Variants in ABCC1 observed in about 807,000 individuals in gnomAD.
ABCC1 encodes the protein ATP binding cassette subfamily C member 1 (ABCC1 blood group).
In ABCC1, 83 loss-of-function variants were observed where a neutral mutation model predicts 172.9. The observed-to-expected ratio is 0.48, with a 90% confidence interval of 0.40 to 0.58. ABCC1 has a LOEUF of 0.58. Among genes scored for constraint, ABCC1 ranks in the 20% least tolerant of loss-of-function variants. The probability of loss-of-function intolerance (pLI) is 0.00; values close to 1 mark genes in which losing one functional copy is unlikely to be tolerated. For synonymous variants in ABCC1, 937 were observed against 825.2 expected (o/e 1.14, Z -2.32); for missense variants, 1,817 against 2,002.7 (o/e 0.91, Z 1.77).
chr16:16,026,545 A>G (rs2048381821), intron 5 of ABCC1, among the ~76,000 whole-genome samples: 1 of 137,180 alleles, frequency 7.3e-6, no homozygotes, highest in Non-Finnish European at 1.5e-5. Context: ...AGATAATCTG[A>G]AAATCTGTGT....
chr16:16,105,248 G>T (rs1037825021), intron 20 of ABCC1, among the ~76,000 whole-genome samples: 2 of 152,304 alleles, frequency 1.3e-5, no homozygotes, highest in South Asian at 4.1e-4. Flanking sequence ...AGTGTAGAAG[G>T]ATGTAAGATT....
intron 1 of ABCC1, among the ~76,000 whole-genome samples, chr16:16,005,818 A>G (rs2047508911): frequency 1.3e-5 from 2 of 152,136 alleles, no homozygotes; most frequent in East Asian, 3.9e-4. Context: ...AAAATTAGCC[A>G]AGCGGGGTGA....
chr16:15,982,840 G>GC (rs2046657286), intron 1 of ABCC1, among the ~76,000 whole-genome samples: 1 of 118,038 alleles, frequency 8.5e-6, no homozygotes, highest in Admixed American at 9.1e-5. Context: ...TCCATTCTTA[G>GC]CCTGTGTGCT....
chr16:16,106,700 A>G lies in ABCC1; in HGVS notation c.2736-38A>G, dbSNP rs760033729. 1.4e-5 allele frequency: 22 copies of G among 1,613,326 alleles called. No individual in the cohort carries two copies. The East Asian group carries it at 4.7e-4, about 34-fold the overall frequency. On this transcript the variant is annotated intron_variant, in intron 20 of 30. Transcript: ENST00000399410. ...GGAGCCCTCCGACCCTGCCCAAGGC[A>G]TCTGTACGGTTGACACCCTTGTGCT...
intron 7 of ABCC1, among the ~76,000 whole-genome samples, chr16:16,042,524 GA>G (rs1054791336): frequency 3.3e-5 from 5 of 152,022 alleles, no homozygotes; most frequent in African/African-American, 1.2e-4. Context: ...CTAACATGGT[GA>G]AACCCTGTCT....
intron 21 of ABCC1, among the ~76,000 whole-genome samples, chr16:16,108,062 C>G (rs1216333446): frequency 6.6e-6 from 1 of 152,002 alleles, no homozygotes; most frequent in Admixed American, 6.6e-5. Flanking sequence ...GGTGTCCTCT[C>G]TCGCCTTACC....
chr16:16,044,602 T>C lies in ABCC1; in HGVS notation c.962T>C (p.Phe321Ser). 6.2e-7 allele frequency: 1 copy of C among 1,614,150 alleles called. No individual in the cohort carries two copies. The highest frequency in any genetic ancestry group is 8.5e-7 in the Non-Finnish European group (1 of 1,180,020). ...CTGTTTAAGGTGTTATACAAGACCT[T>C]TGGGCCCTACTTCCTCATGAGCTTC... The part of the protein sequence containing the change: ...PSLFKVLYKT[F>S]GPYFLMSFFF... The change falls in exon 8 of 31, where the codon TTT becomes TCT. Residue 321 changes from phenylalanine to serine, a missense_variant. This residue lies in a region of ABCC1 where 7 missense variants were observed against 18.2 expected (regional missense o/e 0.39). Coordinates refer to ENST00000399410, the MANE Select transcript of ABCC1 (RefSeq NM_004996.4).
intron 23 of ABCC1, 141 bp downstream of exon 23, chr16:16,115,217 A>G (rs933807468): frequency 1.0e-6 from 1 of 952,446 alleles, no homozygotes; most frequent in South Asian, 2.5e-5. Context: ...AGTTTCGAAT[A>G]CCTAAATTGT....
At chr16:16,022,742 A>G (rs1169678295) in intron 5 of ABCC1, among the ~76,000 whole-genome samples, 2 of 152,160 alleles carry the variant, frequency 1.3e-5, no homozygotes, top group Non-Finnish European at 2.9e-5. Context: ...TTTTCCCCCC[A>G]GCATTTTACT....
intron 16 of ABCC1, among the ~76,000 whole-genome samples, chr16:16,081,134 C>T (rs1343937588): frequency 1.3e-5 from 2 of 152,306 alleles, no homozygotes; most frequent in East Asian, 1.9e-4. Flanking sequence ...TCCCAAAGTG[C>T]TGGGATTACA....
chr16:16,085,807 C>G (rs930359869), intron 17 of ABCC1, among the ~76,000 whole-genome samples: 2 of 152,122 alleles, frequency 1.3e-5, no homozygotes, highest in African/African-American at 4.8e-5. Flanking sequence ...CACGTGGCTG[C>G]CAGGACCCCA....
At chr16:16,056,064 G>C (rs897763548) in intron 11 of ABCC1, 28 bp from the exon 12 acceptor site, 2 of 1,610,972 alleles carry the variant, frequency 1.2e-6, no homozygotes, top group Non-Finnish European at 1.7e-6. Context: ...GGTCGCCCCA[G>C]ATGTGTTGAC....
chr16:16,047,577 C>A (rs908172273), intron 9 of ABCC1, among the ~76,000 whole-genome samples: 1 of 152,158 alleles, frequency 6.6e-6, no homozygotes, highest in African/African-American at 2.4e-5. Flanking sequence ...GTTGTCCCAA[C>A]TGGGGGCGAG....
chr16:16,101,178 T>C (rs893387871), intron 19 of ABCC1, among the ~76,000 whole-genome samples: 4 of 152,026 alleles, frequency 2.6e-5, no homozygotes, highest in Non-Finnish European at 5.9e-5. Flanking sequence ...ATTACAGGCA[T>C]GCACCACCAC....
chr16:16,064,931 A>C (rs2050057880), intron 12 of ABCC1, among the ~76,000 whole-genome samples: 1 of 152,254 alleles, frequency 6.6e-6, no homozygotes, highest in Admixed American at 6.5e-5. Context: ...TAGAAAGAAA[A>C]GAGTCAGATC....
rs371886235 is a variant in ABCC1 at position 16,048,213 on chromosome 16, C to T, written c.1290C>T (p.Asp430=). The stretch of plus-strand genomic sequence containing the variant: ...AGATTGTCAACCTCATGTCTGTGGA[C>T]GCTCAGAGGTTCATGGACTTGGCCA... ...VGEIVNLMSV[D]AQRFMDLATY... The change falls in exon 10 of 31, where the codon GAC becomes GAT. Residue 430 remains aspartate, a synonymous_variant. Coordinates refer to ENST00000399410, the MANE Select transcript of ABCC1 (RefSeq NM_004996.4). The T allele has an allele frequency of 2.7e-5, 43 of 1,614,180 alleles. No individual in the cohort carries two copies. The highest frequency in any genetic ancestry group is 1.3e-4 in the African/African-American group (10 of 75,054).
intron 27 of ABCC1, among the ~76,000 whole-genome samples, chr16:16,132,913 T>C (rs1458915833): frequency 1.3e-5 from 2 of 152,168 alleles, no homozygotes; most frequent in Non-Finnish European, 2.9e-5. Flanking sequence ...GATCAGAACA[T>C]CTGGCAACAT....
At chr16:16,070,033 C>T (rs2050276855) in intron 13 of ABCC1, among the ~76,000 whole-genome samples, 2 of 149,216 alleles carry the variant, frequency 1.3e-5, no homozygotes, top group East Asian at 2.0e-4. Flanking sequence ...ACTCAGTCTC[C>T]AAGAAAGGAA....
At chr16:16,019,341 T>C (rs970572907) in intron 5 of ABCC1, among the ~76,000 whole-genome samples, 1 of 152,122 alleles carries the variant, frequency 6.6e-6, no homozygotes, top group African/African-American at 2.4e-5. Context: ...TGACCTCAAG[T>C]GATCCACCCG....
Sources: allele counts gnomAD v4.1 joint callset (sites outside exome capture counted in the v4.1 genomes callset), GRCh38; gene constraint gnomAD v4.1.1; regional missense constraint gnomAD v4.1.1; transcripts MANE v1.5; gene names NCBI Gene and HGNC (gene_info 2026-07-23, HGNC 2026-07-21).